TRDN: variants seen among roughly 807,000 people sequenced by gnomAD.
The protein encoded by TRDN is triadin.
In TRDN, 161 loss-of-function variants were observed where a neutral mutation model predicts 149.7. The ratio of observed to expected loss-of-function variants is 1.08; its 90% CI spans 0.95 to 1.23. The LOEUF (loss-of-function observed/expected upper bound fraction) is 1.23, where lower values mean the gene tolerates loss of function less well. Among genes scored for constraint, TRDN ranks in the 50% most tolerant of loss-of-function variants. TRDN has a pLI of 0.00. For synonymous variants in TRDN, 294 were observed against 250.5 expected, an observed-to-expected ratio of 1.17 and a Z score of -1.64; for missense variants, 896 against 823.5, an observed-to-expected ratio of 1.09 and a Z score of -1.08.
chr6:123,633,721 C>G (rs1373023050), intron 1 of TRDN, among the ~76,000 whole-genome samples: 1 of 151,952 alleles, frequency 6.6e-6, no homozygotes, highest in Admixed American at 6.6e-5. Context: ...TACTCTGTAC[C>G]TGAAACACAA....
intron 12 of TRDN, among the ~76,000 whole-genome samples, chr6:123,427,444 T>C (rs1774169325): frequency 6.6e-6 from 1 of 152,126 alleles, no homozygotes; most frequent in Admixed American, 6.6e-5. Flanking sequence ...ATCTTGTAAG[T>C]CTTCTTAAAT....
chr6:123,405,607 C>T (rs928640293), intron 12 of TRDN, among the ~76,000 whole-genome samples: 3 of 152,056 alleles, frequency 2.0e-5, no homozygotes, highest in Non-Finnish European at 4.4e-5. Flanking sequence ...CATGACGAGG[C>T]CGGAAATGGC....
chr6:123,375,683 C>T, intron 18 of TRDN, 52 bp from the exon 19 acceptor site: 1 of 1,330,812 alleles, frequency 7.5e-7, no homozygotes, highest in African/African-American at 1.5e-5. Flanking sequence ...ATCTGCTTAT[C>T]TCTTTCCAAA....
At chr6:123,569,872 A>G (rs1487203909) in intron 2 of TRDN, among the ~76,000 whole-genome samples, 1 of 152,200 alleles carries the variant, frequency 6.6e-6, no homozygotes, top group African/African-American at 2.4e-5. Flanking sequence ...ACTGGGGATT[A>G]TAATTCATCA....
At chr6:123,580,309 A>G (rs938527333) in intron 1 of TRDN, among the ~76,000 whole-genome samples, 1 of 152,198 alleles carries the variant, frequency 6.6e-6, no homozygotes, top group Non-Finnish European at 1.5e-5. Flanking sequence ...CAATGATGAG[A>G]GCATAACTAT....
At chr6:123,268,679 A>C (rs1179036408) in intron 31 of TRDN, among the ~76,000 whole-genome samples, 1 of 151,974 alleles carries the variant, frequency 6.6e-6, no homozygotes, top group Admixed American at 6.6e-5. Context: ...GTAGGTGGGA[A>C]GATGTGGGAC....
At chr6:123,286,120 T>C (rs1777795750) in intron 24 of TRDN, among the ~76,000 whole-genome samples, 1 of 152,102 alleles carries the variant, frequency 6.6e-6, no homozygotes, top group Admixed American at 6.6e-5. Context: ...TTTGGAGATT[T>C]CTTAAAGAAC....
intron 39 of TRDN, 106 bp downstream of exon 39, chr6:123,223,986 AG>A: frequency 1.0e-6 from 1 of 961,356 alleles, no homozygotes; most frequent in Non-Finnish European, 1.5e-6. Context: ...TGCCTAGAAA[AG>A]CTTAAGACTA....
At chr6:123,519,023 GT>G (rs1779544526) in intron 5 of TRDN, among the ~76,000 whole-genome samples, 1 of 152,138 alleles carries the variant, frequency 6.6e-6, no homozygotes, top group African/African-American at 2.4e-5. Context: ...ACAACCAGGA[GT>G]TTTCATATGG....
intron 4 of TRDN, among the ~76,000 whole-genome samples, chr6:123,546,595 C>G (rs539062349): frequency 2.0e-5 from 3 of 152,232 alleles, no homozygotes; most frequent in African/African-American, 7.2e-5. Context: ...TTTCTCACAA[C>G]AAATGTACCT....
chr6:123,337,243 T>G (rs1386649841), intron 22 of TRDN, among the ~76,000 whole-genome samples: 2 of 152,042 alleles, frequency 1.3e-5, no homozygotes, highest in Non-Finnish European at 2.9e-5. Flanking sequence ...TACCAAGTGC[T>G]TGGGATATAT....
At chr6:123,373,547 G>A (rs745888535) in intron 19 of TRDN, among the ~76,000 whole-genome samples, 6 of 151,992 alleles carry the variant, frequency 3.9e-5, no homozygotes, top group African/African-American at 1.2e-4. Context: ...CAGTGATTTC[G>A]GGTGTTTCCT....
At chr6:123,609,567 TGA>T (rs1435864697) in intron 1 of TRDN, among the ~76,000 whole-genome samples, 7 of 152,138 alleles carry the variant, frequency 4.6e-5, no homozygotes, top group African/African-American at 1.7e-4. Context: ...ATTAATTACA[TGA>T]GAGAATTAAA....
intron 19 of TRDN, among the ~76,000 whole-genome samples, chr6:123,373,215 C>A (rs1562283106): frequency 1.3e-5 from 2 of 152,132 alleles, no homozygotes; most frequent in Admixed American, 6.6e-5. Flanking sequence ...ATCATGGGGG[C>A]AAGTCTTCCC....
chr6:123,595,363 C>G (rs746215632), intron 1 of TRDN, among the ~76,000 whole-genome samples: 7 of 152,022 alleles, frequency 4.6e-5, no homozygotes, highest in Non-Finnish European at 7.4e-5. Context: ...TCAGACTGTA[C>G]GATCTAAAGC....
chr6:123,305,761 T>C (rs996675214), intron 24 of TRDN, among the ~76,000 whole-genome samples: 1 of 152,154 alleles, frequency 6.6e-6, no homozygotes, highest in African/African-American at 2.4e-5. Context: ...AGTCAGTAGC[T>C]TCTGTTGGTA....
intron 23 of TRDN, among the ~76,000 whole-genome samples, chr6:123,319,794 C>T (rs559773914): frequency 6.6e-6 from 1 of 152,074 alleles, no homozygotes; most frequent in Non-Finnish European, 1.5e-5. Flanking sequence ...GGCAGGCAGC[C>T]TGCCATTTCC....
chr6:123,533,635 G>A (rs1403351163), intron 4 of TRDN, among the ~76,000 whole-genome samples: 2 of 152,006 alleles, frequency 1.3e-5, no homozygotes, highest in Non-Finnish European at 2.9e-5. Context: ...CCTGACAAAG[G>A]AAATGAGTGC....
intron 1 of TRDN, among the ~76,000 whole-genome samples, chr6:123,571,644 A>T (rs1294657082): frequency 6.6e-6 from 1 of 152,122 alleles, no homozygotes; most frequent in Non-Finnish European, 1.5e-5. Flanking sequence ...TATAAAAATA[A>T]AATAAATAGA....
Sources: allele counts gnomAD v4.1 joint callset (sites outside exome capture counted in the v4.1 genomes callset), GRCh38; gene constraint gnomAD v4.1.1; transcripts MANE v1.5; gene names NCBI Gene and HGNC (gene_info 2026-07-23, HGNC 2026-07-21).